Variants in EPB41L4A observed in about 807,000 individuals in gnomAD.
EPB41L4A encodes band 4.1-like protein 4A.
In EPB41L4A, 100 loss-of-function variants were observed where a neutral mutation model predicts 108.6. The observed-to-expected ratio is 0.92, with a 90% CI of 0.78 to 1.09. The LOEUF (loss-of-function observed/expected upper bound fraction) is 1.09, where lower values mean the gene tolerates loss of function less well. Ranked by LOEUF, EPB41L4A falls within the 50% of genes least tolerant of loss-of-function variation. The pLI is 0.00. For missense variants in EPB41L4A, 1,030 were observed against 842.7 expected (o/e 1.22, Z -2.75); for synonymous variants, 319 against 289.0 (o/e 1.10, Z -1.05).
intron 10 of EPB41L4A, among the ~76,000 whole-genome samples, 200 bp downstream of exon 10, chr5:112,240,519 T>G (rs1749695171): frequency 6.6e-6 from 1 of 152,194 alleles, no homozygotes; most frequent in Non-Finnish European, 1.5e-5. Flanking sequence ...TCTATGTGTA[T>G]AAGTGCCTAT....
In EPB41L4A at chr5:112,162,661, A is replaced by T. The variant is rs1270819776; in HGVS notation, c.*2329T>A. The T allele has an allele frequency of 6.6e-6, 1 of 152,222 alleles. No homozygotes were observed. Among genetic ancestry groups the T allele is most frequent in the Non-Finnish European group, 1.5e-5 (1 of 68,034 alleles). 9.4% of individuals were successfully genotyped at this position (152,222 alleles called of 1,614,324 possible). A position where few individuals can be genotyped will look rare whatever the true frequency, so the allele number is the denominator to read the frequency against. Reference sequence around the variant, plus strand: ...AATTTATTGAAAGCACTGTACTAGGAGCTGAGAACACGATGATGAGCACAA... The same window carrying T: ...AATTTATTGAAAGCACTGTACTAGGTGCTGAGAACACGATGATGAGCACAA... On this transcript the variant is annotated 3_prime_UTR_variant, in exon 23 of 23. Coordinates refer to ENST00000261486, the MANE Select transcript of EPB41L4A (RefSeq NM_022140.5).
chr5:112,368,010 A>G lies in EPB41L4A; in HGVS notation c.99+50931T>C, dbSNP rs186944552. Reference sequence around the variant, plus strand: ...TATTTTTATAAAAAGAAGGTGATCAACAATTGTACTGACCTTATCAAAATG... The same window carrying G: ...TATTTTTATAAAAAGAAGGTGATCAGCAATTGTACTGACCTTATCAAAATG... On this transcript the variant is annotated intron_variant, in intron 1 of 22. Coordinates refer to ENST00000261486, the MANE Select transcript of EPB41L4A (RefSeq NM_022140.5). Among the ~76,000 whole-genome samples the G allele has an allele frequency of 4.6e-4, 70 of 152,372 alleles. 1 individual carries two copies. The East Asian group carries it at 0.013, about 28-fold the overall frequency.
At chr5:112,376,131 G>C (rs9885182) in intron 1 of EPB41L4A, among the ~76,000 whole-genome samples, 9,123 of 152,194 alleles carry the variant, frequency 0.06, 583 homozygotes, top group African/African-American at 0.16. Flanking sequence ...CATATCCAAA[G>C]AGAGGACTAA....
At chr5:112,393,519 C>A (rs1761101058) in intron 1 of EPB41L4A, among the ~76,000 whole-genome samples, 1 of 152,178 alleles carries the variant, frequency 6.6e-6, no homozygotes, top group East Asian at 1.9e-4. Flanking sequence ...TGGACACATA[C>A]ACCTTCCCAA....
intron 12 of EPB41L4A, among the ~76,000 whole-genome samples, chr5:112,152,627 A>C (rs561367055): frequency 4.7e-4 from 71 of 152,304 alleles, no homozygotes; most frequent in Admixed American, 1.6e-3. Flanking sequence ...AAAACTGTAA[A>C]AAATAAATTT....
chr5:112,269,215 C>T (rs1752088111), intron 4 of EPB41L4A, among the ~76,000 whole-genome samples: 1 of 151,850 alleles, frequency 6.6e-6, no homozygotes, highest in African/African-American at 2.4e-5. Flanking sequence ...CTCAAACTTC[C>T]CTGGATAGCC....
chr5:112,184,081 T>C lies in EPB41L4A; in HGVS notation c.1557A>G (p.Leu519=), dbSNP rs761642686. ...CTTGGTTTTTTTCCTTTTGTCTCCTTAATACAGCTTCCCACTGAGGCGCTG... is the reference window on the plus strand; with the variant it reads ...CTTGGTTTTTTTCCTTTTGTCTCCTCAATACAGCTTCCCACTGAGGCGCTG... ...VDSAPQWEAV[L]RRQKEKNQAD... is the part of the protein sequence containing the mutation. Residue 519 remains leucine, a synonymous_variant, in exon 18 of 23, where the codon TTA becomes TTG. Transcript: ENST00000261486. The C allele has an allele frequency of 3.7e-6, 6 of 1,613,946 alleles. No homozygotes were observed. In the East Asian group the frequency reaches 1.1e-4, roughly 30 times the overall value.
chr5:112,349,974 A>G (rs940431089), intron 1 of EPB41L4A, among the ~76,000 whole-genome samples: 2 of 152,216 alleles, frequency 1.3e-5, no homozygotes, highest in Non-Finnish European at 2.9e-5. Flanking sequence ...AGACGACGAC[A>G]GTGTGAAGGA....
chr5:112,169,549 A>AT (rs1313901542), intron 20 of EPB41L4A, among the ~76,000 whole-genome samples: 6 of 152,124 alleles, frequency 3.9e-5, no homozygotes, highest in East Asian at 1.9e-4. Context: ...TGTTCTCTCC[A>AT]TAAAAAAAAA....
At chr5:112,167,549 A>C (rs1461207219) in intron 22 of EPB41L4A, among the ~76,000 whole-genome samples, 2 of 152,120 alleles carry the variant, frequency 1.3e-5, no homozygotes, top group Non-Finnish European at 2.9e-5. Context: ...TTGAAGAGAA[A>C]TCCCCCTTCC....
intron 1 of EPB41L4A, among the ~76,000 whole-genome samples, chr5:112,333,302 G>A (rs1756691615): frequency 6.6e-6 from 1 of 151,394 alleles, no homozygotes; most frequent in African/African-American, 2.4e-5. Context: ...AGAGGGAGAT[G>A]TCAAAAAGGG....
rs558482986 is a variant in EPB41L4A, at chr5:112,389,779, T to C, written c.99+29162A>G. Reference sequence around the variant, plus strand: ...GCTAATTGAGACCTTTAAACTAAATTTGTTATAATTTCATCTTTTGACAAT... The same window carrying C: ...GCTAATTGAGACCTTTAAACTAAATCTGTTATAATTTCATCTTTTGACAAT... On this transcript the variant is annotated intron_variant, in intron 1 of 22. Transcript: ENST00000261486. 7.9e-5 allele frequency among the ~76,000 whole-genome samples: 12 copies of C among 152,262 alleles called. No homozygotes were observed. The South Asian group carries it at 2.5e-3, about 32-fold the overall frequency.
chr5:112,417,382 A>C (rs1240705850), intron 1 of EPB41L4A, among the ~76,000 whole-genome samples: 2 of 152,192 alleles, frequency 1.3e-5, no homozygotes, highest in East Asian at 1.9e-4. Context: ...TAGACTTTGC[A>C]CTTCAAAAAG....
chr5:112,195,852 C>T (rs985003664), intron 15 of EPB41L4A, 144 bp from the exon 16 acceptor site: 16 of 684,232 alleles, frequency 2.3e-5, no homozygotes, highest in African/African-American at 2.2e-4. Flanking sequence ...TATGTATATG[C>T]CTAACCCTAC....
rs1241056891 is a variant in EPB41L4A at position 112,184,034 on chromosome 5, G to A, written c.1604C>T (p.Ser535Phe). ...CACATACGAACGAGATCTGTGTCTG[G>A]ATCGCCTGTTGTTGGGGTCGGCTTG... ...KNQADPNNRR[S>F]RHRSRSRSPD... is the part of the protein sequence containing the mutation. Residue 535 changes from serine (S) to phenylalanine (F), a missense_variant, in exon 18 of 23, where the codon TCC becomes TTC. By Grantham distance (155) the Ser-to-Phe change is radical (BLOSUM62 -2). Transcript: ENST00000261486. 5 of 1,613,886 alleles carry A rather than the reference G, an allele frequency of 3.1e-6. No individual in the cohort carries two copies. Among genetic ancestry groups the A allele is most frequent in the Non-Finnish European group, 4.2e-6 (5 of 1,179,950 alleles).
In EPB41L4A at chr5:112,260,071, T is replaced by G. The variant is rs991868107; in HGVS notation, c.643-92A>C. 3.3e-6 allele frequency: 3 copies of G among 918,002 alleles called. No individual in the cohort carries two copies. In the Admixed American group the frequency reaches 6.3e-5, roughly 19 times the overall value. The allele number at this position is 918,002 out of a possible 1,614,324, so 56.9% of individuals were successfully genotyped here. A position where few individuals can be genotyped will look rare whatever the true frequency, so the allele number is the denominator to read the frequency against. ...ACCATACAAATATAATTTGTTACAT[T>G]AATATTGGATTTAATTTTTGAAAGA... On this transcript the variant is annotated intron_variant, in intron 7 of 22. Coordinates refer to ENST00000261486, the MANE Select transcript of EPB41L4A (RefSeq NM_022140.5).
chr5:112,384,375 A>C (rs1760362722), intron 1 of EPB41L4A, among the ~76,000 whole-genome samples: 1 of 152,232 alleles, frequency 6.6e-6, no homozygotes, highest in Non-Finnish European at 1.5e-5. Flanking sequence ...CTACATTAAA[A>C]TTAGAACTAC....
At chr5:112,350,780 T>C (rs915471971) in intron 1 of EPB41L4A, among the ~76,000 whole-genome samples, 2 of 152,186 alleles carry the variant, frequency 1.3e-5, no homozygotes, top group Non-Finnish European at 2.9e-5. Flanking sequence ...GCTCCATCCA[T>C]GATGCTGCAA....
chr5:112,411,896 A>G (rs7711662), intron 1 of EPB41L4A, among the ~76,000 whole-genome samples: 21,701 of 152,200 alleles, frequency 0.14, 4,309 homozygotes, highest in African/African-American at 0.44. Context: ...GTCAAGGTGG[A>G]ACCTGAGTGA....
Sources: allele counts gnomAD v4.1 joint callset (sites outside exome capture counted in the v4.1 genomes callset), GRCh38; gene constraint gnomAD v4.1.1; transcripts MANE v1.5; gene names NCBI Gene and HGNC (gene_info 2026-07-23, HGNC 2026-07-21).